The following FAM13A variants were observed in gnomAD, a reference collection of about 807,000 sequenced individuals.
FAM13A encodes the protein protein FAM13A.
A neutral mutation model predicts 129.6 loss-of-function variants in FAM13A; 76 were observed. The observed-to-expected ratio is 0.59, with a 90% CI of 0.49 to 0.71. The LOEUF is 0.71. FAM13A is among the 30% of genes least tolerant of loss of function. The pLI is 0.00. For synonymous variants in FAM13A, 443 were observed against 449.9 expected, an observed-to-expected ratio of 0.98 and a Z score of 0.20; for missense variants, 1,108 against 1,249.3, an observed-to-expected ratio of 0.89 and a Z score of 1.70.
intron 7 of FAM13A, among the ~76,000 whole-genome samples, chr4:88,850,617 A>G (rs1221943450): frequency 6.6e-6 from 1 of 152,152 alleles, no homozygotes; most frequent in Non-Finnish European, 1.5e-5. Flanking sequence ...TTTCAGTTAT[A>G]ATGTGCAACA....
At chr4:88,742,277 A>T (rs1483125025) in intron 19 of FAM13A, among the ~76,000 whole-genome samples, 1 of 152,204 alleles carries the variant, frequency 6.6e-6, no homozygotes, top group East Asian at 1.9e-4. Flanking sequence ...GAAGTTTTCT[A>T]CTTGGAGTAG....
Position 88,920,581 on chromosome 4 carries a change from T to TA in FAM13A, c.760-14120dup, listed in dbSNP as rs553971741. Reference sequence around the variant, plus strand: ...GCCATCATCAAAGACCAAAAGTAGATAAAACCACAAAGATGGGGAAAAAAC... The same window carrying TA: ...GCCATCATCAAAGACCAAAAGTAGATAAAAACCACAAAGATGGGGAAAAAAC... On this transcript the variant is annotated intron_variant, in intron 5 of 23. Transcript: ENST00000264344. 3.5e-3 allele frequency among the ~76,000 whole-genome samples: 534 copies of TA among 151,910 alleles called. 3 individuals carry two copies. Among genetic ancestry groups the TA allele is most frequent in the Non-Finnish European group, 5.5e-3 (372 of 67,988 alleles).
At chr4:88,986,897 C>A (rs1762305587) in intron 4 of FAM13A, among the ~76,000 whole-genome samples, 1 of 152,130 alleles carries the variant, frequency 6.6e-6, no homozygotes, top group African/African-American at 2.4e-5. Flanking sequence ...TTCAAGTATT[C>A]ATTTCTTTCT....
chr4:88,909,326 A>T (rs1362671406), intron 5 of FAM13A, among the ~76,000 whole-genome samples: 1 of 152,116 alleles, frequency 6.6e-6, no homozygotes, highest in Non-Finnish European at 1.5e-5. Flanking sequence ...ATGCTAAGTG[A>T]AATAATACAG....
chr4:88,863,060 C>T (rs529840382), intron 6 of FAM13A, among the ~76,000 whole-genome samples: 86 of 150,172 alleles, frequency 5.7e-4, no homozygotes, highest in African/African-American at 2.0e-3. Context: ...CTTCTAAAAC[C>T]CTTGGACTGT....
At chr4:88,879,024 T>C (rs943128747) in intron 6 of FAM13A, among the ~76,000 whole-genome samples, 4 of 152,240 alleles carry the variant, frequency 2.6e-5, no homozygotes, top group African/African-American at 7.2e-5. Flanking sequence ...ATGGTTGATA[T>C]ATAAAACGGT....
chr4:88,816,139 T>C (rs957198275), intron 7 of FAM13A, among the ~76,000 whole-genome samples: 4 of 152,148 alleles, frequency 2.6e-5, no homozygotes, highest in African/African-American at 9.6e-5. Flanking sequence ...AACCTTCCTA[T>C]TTCAATGTAC....
At chr4:88,744,363 TTAA>T (rs1021114425) in intron 19 of FAM13A, among the ~76,000 whole-genome samples, 2 of 152,158 alleles carry the variant, frequency 1.3e-5, no homozygotes, top group South Asian at 4.1e-4. Context: ...AGGACGCACT[TTAA>T]TAATAATAGG....
intron 3 of FAM13A, among the ~76,000 whole-genome samples, chr4:88,994,251 A>G (rs1312276552): frequency 6.6e-6 from 1 of 152,152 alleles, no homozygotes; most frequent in Non-Finnish European, 1.5e-5. Flanking sequence ...AAATATACTG[A>G]CAGTACAGTA....
chr4:88,965,779 C>T (rs1759273393), intron 4 of FAM13A, among the ~76,000 whole-genome samples: 1 of 152,200 alleles, frequency 6.6e-6, no homozygotes, highest in African/African-American at 2.4e-5. Context: ...AATCTGACTA[C>T]TTTAGATACT....
At chr4:88,777,568 C>T (rs898527979) in intron 11 of FAM13A, among the ~76,000 whole-genome samples, 1 of 152,166 alleles carries the variant, frequency 6.6e-6, no homozygotes, top group Non-Finnish European at 1.5e-5. Context: ...TCTGAATTAT[C>T]TGTAGTTTCT....
At chr4:88,840,397 C>T (rs1320689670) in intron 7 of FAM13A, among the ~76,000 whole-genome samples, 1 of 152,096 alleles carries the variant, frequency 6.6e-6, no homozygotes, top group Non-Finnish European at 1.5e-5. Context: ...AGAGGGATTA[C>T]AAAAATGTTG....
At chr4:88,791,187 A>C (rs2149677603) in intron 8 of FAM13A, among the ~76,000 whole-genome samples, 1 of 152,102 alleles carries the variant, frequency 6.6e-6, no homozygotes, top group Middle Eastern at 3.4e-3. Flanking sequence ...TTTTCTTCCT[A>C]AGTTTCTCAG....
intron 7 of FAM13A, among the ~76,000 whole-genome samples, chr4:88,810,846 A>G (rs1729535796): frequency 6.6e-6 from 1 of 152,180 alleles, no homozygotes; most frequent in Non-Finnish European, 1.5e-5. Flanking sequence ...ATACATATAA[A>G]TCAGATATAA....
intron 21 of FAM13A, among the ~76,000 whole-genome samples, chr4:88,735,233 A>G (rs1738739715): frequency 6.6e-6 from 1 of 152,168 alleles, no homozygotes; most frequent in Admixed American, 6.5e-5. Context: ...ATAGAATGTA[A>G]TAAATTGATA....
chr4:88,839,308 C>A (rs1735395412), intron 7 of FAM13A, among the ~76,000 whole-genome samples: 1 of 152,008 alleles, frequency 6.6e-6, no homozygotes, highest in Non-Finnish European at 1.5e-5. Flanking sequence ...TTAGCTATTC[C>A]AGATTTATAA....
intron 7 of FAM13A, among the ~76,000 whole-genome samples, chr4:88,807,914 C>G (rs575078843): frequency 6.6e-6 from 1 of 152,210 alleles, no homozygotes; most frequent in African/African-American, 2.4e-5. Flanking sequence ...TTTGGCTATG[C>G]CCCTGAATTT....
At chr4:88,805,842 A>T (rs1728450806) in intron 7 of FAM13A, among the ~76,000 whole-genome samples, 1 of 151,390 alleles carries the variant, frequency 6.6e-6, no homozygotes, top group Non-Finnish European at 1.5e-5. Context: ...CTAGTTTTTT[A>T]TTTTTTGTGG....
At chr4:89,055,184 T>A (rs1388546301) in intron 1 of FAM13A, among the ~76,000 whole-genome samples, 1 of 152,232 alleles carries the variant, frequency 6.6e-6, no homozygotes, top group Non-Finnish European at 1.5e-5. Flanking sequence ...ATTGAATGTA[T>A]TAATGTGTGA....
Sources: allele counts gnomAD v4.1 joint callset (sites outside exome capture counted in the v4.1 genomes callset), GRCh38; gene constraint gnomAD v4.1.1; transcripts MANE v1.5; gene names NCBI Gene and HGNC (gene_info 2026-07-23, HGNC 2026-07-21).